The following ZNF226 variants were observed in gnomAD, a reference collection of about 807,000 sequenced individuals.
ZNF226 encodes Kruppel-associated box protein.
ZNF226 carries 6 observed loss-of-function variants against 11.4 expected under a neutral mutation model. That is an observed-to-expected ratio of 0.53 (90% CI 0.29 to 1.04). The LOEUF is 1.04. Ranked by LOEUF, ZNF226 falls within the 50% of genes least tolerant of loss-of-function variation. The pLI, the probability that ZNF226 is intolerant of heterozygous loss-of-function variation, is 0.08. For synonymous variants in ZNF226, 350 were observed against 322.8 expected (o/e 1.08, Z -0.90); for missense variants, 1,058 against 956.5 (o/e 1.11, Z -1.40).
the ZNF226 span, among the ~76,000 whole-genome samples, chr19:44,188,976 A>C: frequency 6.6e-6 from 1 of 152,212 alleles, no homozygotes; most frequent in Admixed American, 6.5e-5. Flanking sequence ...TATCAGTCCA[A>C]GGTTGGACAG....
At position 44,175,958 on chromosome 19, in the gene ZNF226, C is replaced by T. The variant is rs532347187; in HGVS notation, c.696C>T (p.Asp232=). 2 of 1,613,728 alleles carry T rather than the reference C, an allele frequency of 1.2e-6. No individual in the cohort carries two copies. Among genetic ancestry groups the T allele is most frequent in the South Asian group, 2.2e-5 (2 of 91,066 alleles). ...KSYRPNDYEK[D]NMKILTFDHN... ...ATAGACCCAATGATTATGAAAAAGACAACATGAAGATTTTGACATTTGATC... is the reference window on the plus strand; with the variant it reads ...ATAGACCCAATGATTATGAAAAAGATAACATGAAGATTTTGACATTTGATC... Residue 232 remains aspartate, a synonymous_variant, in exon 6 of 6, where the codon GAC becomes GAT. Coordinates refer to ENST00000337433, the MANE Select transcript of ZNF226 (RefSeq NM_001032373.2).
chr19:44,184,536 T>A, the ZNF226 span, among the ~76,000 whole-genome samples: 1 of 151,448 alleles, frequency 6.6e-6, no homozygotes, highest in African/African-American at 2.4e-5. Flanking sequence ...GAGCCGAGAT[T>A]GCGCCACTGC....
At chr19:44,175,255 G>T in intron 5 of ZNF226, 1 of 1,400,426 alleles carries the variant, frequency 7.1e-7, no homozygotes, top group Non-Finnish European at 9.2e-7. Flanking sequence ...TAGTATGTCA[G>T]TAGTTGTGTT....
At chr19:44,193,279 AC>A in the ZNF226 span, among the ~76,000 whole-genome samples, 1 of 152,140 alleles carries the variant, frequency 6.6e-6, no homozygotes, top group South Asian at 2.1e-4. Flanking sequence ...CAAGAAACAT[AC>A]AGAAACACAA....
Position 44,176,419 on chromosome 19 carries a change from C to G in ZNF226, c.1157C>G (p.Thr386Ser). The G allele has an allele frequency of 3.1e-6, 5 of 1,614,072 alleles. No individual in the cohort carries two copies. Among genetic ancestry groups the G allele is most frequent in the Non-Finnish European group, 4.2e-6 (5 of 1,179,994 alleles). Residue 386 changes from threonine (T) to serine (S), a missense_variant, in exon 6 of 6, where the codon ACT becomes AGT. Physicochemically the swap from Thr to Ser is moderately conservative, Grantham distance 58. Transcript: ENST00000337433. ...CTTCAGGACCATCAGAGACTCCACA[C>G]TGGGGAGAAGCCATTCAAATGTGAT... Reference protein sequence around the residue: ...SHLQDHQRLHTGEKPFKCDAC... With the variant: ...SHLQDHQRLHSGEKPFKCDAC...
downstream of ZNF226, among the ~76,000 whole-genome samples, chr19:44,179,648 G>T (rs1970876721): frequency 6.6e-6 from 1 of 152,188 alleles, no homozygotes; most frequent in Non-Finnish European, 1.5e-5. Flanking sequence ...ATTCTTGACA[G>T]ACTTACTCAC....
chr19:44,171,077 A>C (rs1261010764), intron 3 of ZNF226, among the ~76,000 whole-genome samples: 1 of 152,194 alleles, frequency 6.6e-6, no homozygotes, highest in Admixed American at 6.5e-5. Flanking sequence ...TTATGTATCC[A>C]GTTTTTAAAC....
chr19:44,177,352 A>C lies in ZNF226; in HGVS notation c.2090A>C (p.Lys697Thr), dbSNP rs1230904264. The part of the protein sequence containing the change: ...DMHQRVHTGE[K>T]PYKCGECGKY... ...CATCAGAGGGTGCACACAGGAGAAA[A>C]ACCATATAAATGTGGGGAGTGTGGT... The change falls in exon 6 of 6, where the codon AAA becomes ACA. Residue 697 changes from lysine to threonine, a missense_variant. Physicochemically the swap from Lys to Thr is moderately conservative, Grantham distance 78. Transcript: ENST00000337433. 2 of 1,614,104 alleles carry C rather than the reference A, an allele frequency of 1.2e-6. No homozygotes were observed. Among genetic ancestry groups the C allele is most frequent in the South Asian group, 2.2e-5 (2 of 91,078 alleles).
chr19:44,180,342 A>C (rs1036802531), downstream of ZNF226, among the ~76,000 whole-genome samples: 2 of 152,268 alleles, frequency 1.3e-5, no homozygotes, highest in Admixed American at 1.3e-4. Context: ...TCAGCAAAGG[A>C]TATATCTGTG....
intron 5 of ZNF226, chr19:44,175,294 A>G (rs551093216): frequency 2.8e-5 from 40 of 1,404,370 alleles, no homozygotes; most frequent in South Asian, 5.2e-5. Context: ...GTGCTTAGCA[A>G]TTGGGAGCTT....
At chr19:44,180,042 G>A (rs943901972), downstream of ZNF226, among the ~76,000 whole-genome samples, 4 of 142,538 alleles carry the variant, frequency 2.8e-5, no homozygotes, top group African/African-American at 5.2e-5. Flanking sequence ...AGCTGCGATC[G>A]TGCCACTGCA....
downstream of ZNF226, among the ~76,000 whole-genome samples, chr19:44,179,534 G>C (rs1421897187): frequency 6.6e-6 from 1 of 152,188 alleles, no homozygotes; most frequent in Non-Finnish European, 1.5e-5. Flanking sequence ...ATTGGTAAGA[G>C]TGAATATATA....
chr19:44,198,939 G>A, the ZNF226 span, among the ~76,000 whole-genome samples: 27 of 152,044 alleles, frequency 1.8e-4, no homozygotes, highest in East Asian at 3.9e-4. Context: ...CAAATAGCTG[G>A]GATTACAGAC....
At chr19:44,181,340 A>G (rs923609337), downstream of ZNF226, among the ~76,000 whole-genome samples, 22 of 152,174 alleles carry the variant, frequency 1.4e-4, no homozygotes, top group Non-Finnish European at 2.9e-4. Flanking sequence ...TGTGGTCCCA[A>G]CACTGAACTG....
In ZNF226 at chr19:44,175,492, T is replaced by G. The variant is rs200827981; in HGVS notation, c.236-6T>G. 647 of 1,574,748 alleles carry G rather than the reference T, an allele frequency of 4.1e-4. No homozygotes were observed. The highest frequency in any genetic ancestry group is 5.3e-4 in the Non-Finnish European group (617 of 1,164,746). On this transcript the variant is annotated splice_polypyrimidine_tract_variant and splice_region_variant and intron_variant, in intron 5 of 5. Transcript: ENST00000337433. ...CACTATCTCTCTGAATCCTTTGTCC[T>G]TACAGGAGAGAAAAATCAAAGTAAG...
rs756745955 is a variant in ZNF226 at position 44,177,038 on chromosome 19, T to C, written c.1776T>C (p.Cys592=). ...TGEKPYKCEE[C]GKGFSRRADL... is the part of the protein sequence containing the mutation. ...AGAAACCATACAAATGTGAAGAGTG[T>C]GGCAAGGGATTTAGTCGTAGAGCAG... Residue 592 remains cysteine, a synonymous_variant, in exon 6 of 6, where the codon TGT becomes TGC. Transcript: ENST00000337433. 7 of 1,614,096 alleles carry C rather than the reference T, an allele frequency of 4.3e-6. No individual in the cohort carries two copies. The highest frequency in any genetic ancestry group is 1.6e-4 in the Middle Eastern group (1 of 6,062).
At chr19:44,186,298 G>A in the ZNF226 span, among the ~76,000 whole-genome samples, 9 of 151,956 alleles carry the variant, frequency 5.9e-5, no homozygotes, top group African/African-American at 1.7e-4. Flanking sequence ...GTGTAGCATG[G>A]AAATTTTAAC....
At chr19:44,179,524 A>G (rs1374082376), downstream of ZNF226, among the ~76,000 whole-genome samples, 1 of 152,208 alleles carries the variant, frequency 6.6e-6, no homozygotes, top group Non-Finnish European at 1.5e-5. Context: ...ATACAGATGC[A>G]TTGGTAAGAG....
At chr19:44,198,900 G>T in the ZNF226 span, among the ~76,000 whole-genome samples, 1 of 152,078 alleles carries the variant, frequency 6.6e-6, no homozygotes, top group Non-Finnish European at 1.5e-5. Flanking sequence ...CACCTCCAGG[G>T]TTCAAAGGAT....
Sources: allele counts gnomAD v4.1 joint callset (sites outside exome capture counted in the v4.1 genomes callset), GRCh38; gene constraint gnomAD v4.1.1; transcripts MANE v1.5; gene names NCBI Gene and HGNC (gene_info 2026-07-23, HGNC 2026-07-21).